The following SLC36A1 variants were observed in gnomAD, a reference collection of about 807,000 sequenced individuals.
SLC36A1 encodes the protein proton-coupled amino acid transporter 1.
In SLC36A1, 30 loss-of-function variants were observed where a neutral mutation model predicts 47.5. The ratio of observed to expected loss-of-function variants is 0.63; its 90% CI spans 0.47 to 0.86. The LOEUF is 0.86. SLC36A1 is among the 40% of genes least tolerant of loss of function. The probability of loss-of-function intolerance (pLI) is 0.00; values close to 1 mark genes in which losing one functional copy is unlikely to be tolerated. For synonymous variants in SLC36A1, 255 were observed against 249.7 expected (o/e 1.02, Z -0.20); for missense variants, 517 against 606.0 (o/e 0.85, Z 1.54).
At chr5:151,546,217 G>A in the SLC36A1 span, 2 of 1,614,052 alleles carry the variant, frequency 1.2e-6, no homozygotes, top group African/African-American at 1.3e-5. Context: ...CCATTGTGGG[G>A]AGCCTTGATC....
chr5:151,546,723 C>CT, the SLC36A1 span, among the ~76,000 whole-genome samples: 1,657 of 145,986 alleles, frequency 0.011, 21 homozygotes, highest in African/African-American at 0.034. Context: ...TTTTGTATAA[C>CT]TTTTTTTTTT....
At chr5:151,400,466 A>C in the SLC36A1 span, among the ~76,000 whole-genome samples, 1 of 152,210 alleles carries the variant, frequency 6.6e-6, no homozygotes, top group Non-Finnish European at 1.5e-5. Flanking sequence ...TGTGTTGAAC[A>C]TATGCATGCA....
At chr5:151,511,534 A>C in the SLC36A1 span, 2 of 152,904 alleles carry the variant, frequency 1.3e-5, no homozygotes, top group Non-Finnish European at 2.9e-5. Flanking sequence ...ATATAGGAGA[A>C]TGCTCCCTGC....
At chr5:151,393,726 T>A in the SLC36A1 span, among the ~76,000 whole-genome samples, 1 of 152,156 alleles carries the variant, frequency 6.6e-6, no homozygotes, top group African/African-American at 2.4e-5. Context: ...TGTTGAATAT[T>A]GGCCCCCACT....
the SLC36A1 span, among the ~76,000 whole-genome samples, chr5:151,357,981 T>C: frequency 2.0e-5 from 3 of 152,168 alleles, no homozygotes; most frequent in African/African-American, 4.8e-5. Context: ...CCAGGCTGCA[T>C]TGTGGTCAGA....
At chr5:151,407,734 C>A in the SLC36A1 span, among the ~76,000 whole-genome samples, 1 of 152,166 alleles carries the variant, frequency 6.6e-6, no homozygotes, top group Non-Finnish European at 1.5e-5. Flanking sequence ...GCCTTCTGCC[C>A]TCTGCCATTC....
chr5:151,362,483 T>G, the SLC36A1 span, among the ~76,000 whole-genome samples: 1 of 148,720 alleles, frequency 6.7e-6, no homozygotes, highest in Non-Finnish European at 1.5e-5. Flanking sequence ...CTCCGCCTCC[T>G]AAGTTCAAGC....
At chr5:151,383,053 C>A in the SLC36A1 span, among the ~76,000 whole-genome samples, 62 of 152,234 alleles carry the variant, frequency 4.1e-4, no homozygotes, top group African/African-American at 1.4e-3. Flanking sequence ...AGTGAGCCAC[C>A]GCACCCGGCC....
the SLC36A1 span, among the ~76,000 whole-genome samples, chr5:151,528,701 A>G: frequency 5.3e-5 from 8 of 152,100 alleles, no homozygotes; most frequent in Non-Finnish European, 7.4e-5. Flanking sequence ...AGGTGGGATG[A>G]AGAGTGTGGG....
At chr5:151,387,461 C>G in the SLC36A1 span, among the ~76,000 whole-genome samples, 1 of 152,186 alleles carries the variant, frequency 6.6e-6, no homozygotes, top group Non-Finnish European at 1.5e-5. Context: ...TGGAGTCTCA[C>G]TCAAGTGGCA....
In SLC36A1 at chr5:151,458,804, G is replaced by A; in HGVS notation, c.12G>A (p.Gln4=). The change falls in exon 2 of 11, where the codon CAG becomes CAA. Residue 4 remains glutamine, a synonymous_variant. Transcript: ENST00000243389. ...TCCCCCCAGCTGCCATGTCCACGCA[G>A]AGACTTCGGAATGAAGACTACCACG... MST[Q]RLRNEDYHDY... 6.2e-7 allele frequency: 1 copy of A among 1,613,994 alleles called. No homozygotes were observed. The highest frequency in any genetic ancestry group is 8.5e-7 in the Non-Finnish European group (1 of 1,179,916).
At chr5:151,360,126 T>C in the SLC36A1 span, among the ~76,000 whole-genome samples, 1 of 152,192 alleles carries the variant, frequency 6.6e-6, no homozygotes, top group African/African-American at 2.4e-5. Flanking sequence ...TTTTTAAAAT[T>C]TTTTGCTTAA....
At chr5:151,352,915 G>C in the SLC36A1 span, among the ~76,000 whole-genome samples, 2 of 152,212 alleles carry the variant, frequency 1.3e-5, no homozygotes, top group Admixed American at 6.5e-5. Flanking sequence ...ACCCAGCAAG[G>C]GCTGTCCAGA....
chr5:151,353,570 C>G, the SLC36A1 span, among the ~76,000 whole-genome samples: 1 of 152,022 alleles, frequency 6.6e-6, no homozygotes, highest in African/African-American at 2.4e-5. Context: ...ACTGACACAC[C>G]ATTATCACCC....
the SLC36A1 span, chr5:151,507,585 GAAC>G: frequency 6.2e-7 from 1 of 1,610,878 alleles, no homozygotes. Context: ...GTGTCCTTCT[GAAC>G]AACCCCTCGC....
chr5:151,361,244 C>A, the SLC36A1 span, among the ~76,000 whole-genome samples: 98 of 152,100 alleles, frequency 6.4e-4, 1 homozygote, highest in Admixed American at 1.7e-3. Context: ...TTCGTTGAGA[C>A]CCCTGGTGTA....
upstream of SLC36A1, among the ~76,000 whole-genome samples, chr5:151,445,501 G>GT (rs1253055498): frequency 1.3e-5 from 2 of 152,204 alleles, no homozygotes; most frequent in Non-Finnish European, 2.9e-5. Flanking sequence ...CATAAAATGT[G>GT]TTTGGAAGTA....
the SLC36A1 span, chr5:151,529,055 T>C: frequency 6.4e-6 from 5 of 777,398 alleles, no homozygotes; most frequent in African/African-American, 6.9e-5. Flanking sequence ...CAAGTCAGAG[T>C]CAAGTCTACA....
the SLC36A1 span, among the ~76,000 whole-genome samples, chr5:151,408,365 T>C: frequency 6.6e-6 from 1 of 152,130 alleles, no homozygotes; most frequent in East Asian, 1.9e-4. Flanking sequence ...ATTTTTGTAT[T>C]TTTAATAGTG....
Sources: allele counts gnomAD v4.1 joint callset (sites outside exome capture counted in the v4.1 genomes callset), GRCh38; gene constraint gnomAD v4.1.1; transcripts MANE v1.5; gene names NCBI Gene and HGNC (gene_info 2026-07-23, HGNC 2026-07-21).